Variants in SHANK2 observed in about 807,000 individuals in gnomAD.
SHANK2 encodes the protein SH3 and multiple ankyrin repeat domains protein 2.
SHANK2 carries 43 observed loss-of-function variants against 133.7 expected under a neutral mutation model. That is an observed-to-expected ratio of 0.32 (90% CI 0.25 to 0.41). The LOEUF is 0.41. Among genes scored for constraint, SHANK2 ranks in the 10% least tolerant of loss-of-function variants. SHANK2 has a pLI of 1.00. For missense variants in SHANK2, 1,994 were observed against 2,235.8 expected, an observed-to-expected ratio of 0.89 and a Z score of 2.18; for synonymous variants, 1,017 against 952.8, an observed-to-expected ratio of 1.07 and a Z score of -1.24.
intron 21 of SHANK2, among the ~76,000 whole-genome samples, chr11:70,499,250 G>T (rs1555157809): frequency 6.6e-6 from 1 of 152,268 alleles, no homozygotes; most frequent in East Asian, 1.9e-4. Context: ...ACCAGGCTGG[G>T]CCACGGCTGC....
chr11:70,878,335 A>G (rs1949603028), intron 11 of SHANK2, among the ~76,000 whole-genome samples: 1 of 152,206 alleles, frequency 6.6e-6, no homozygotes, highest in African/African-American at 2.4e-5. Context: ...ACACTGGGCC[A>G]CACCTCTCAA....
chr11:70,544,621 C>A (rs564322407), intron 17 of SHANK2, among the ~76,000 whole-genome samples: 6 of 152,222 alleles, frequency 3.9e-5, no homozygotes, highest in Non-Finnish European at 7.3e-5. Flanking sequence ...CCCAACACCC[C>A]CTCCCTGGCC....
Position 71,117,131 on chromosome 11 carries a change from T to C in SHANK2, c.411+1698A>G, listed in dbSNP as rs189275292. Among the ~76,000 whole-genome samples, 303 of 152,310 alleles carry C rather than the reference T, an allele frequency of 2.0e-3. 1 individual carries two copies. Among genetic ancestry groups the C allele is most frequent in the African/African-American group, 7.0e-3 (292 of 41,572 alleles). On this transcript the variant is annotated intron_variant, in intron 4 of 25. Transcript: ENST00000601538. ...ACCTCCAGGGTTCAAGCAATTCTCC[T>C]GCCTCAGCCCCCCGAGTAGCTGGGA...
chr11:71,101,156 G>A (rs569203255), intron 6 of SHANK2, among the ~76,000 whole-genome samples: 5 of 152,244 alleles, frequency 3.3e-5, no homozygotes, highest in African/African-American at 9.6e-5. Context: ...AAGTGCATAG[G>A]GGAAAACTCC....
At chr11:70,769,106 A>C (rs1342625623) in intron 14 of SHANK2, among the ~76,000 whole-genome samples, 1 of 152,140 alleles carries the variant, frequency 6.6e-6, no homozygotes, top group Non-Finnish European at 1.5e-5. Context: ...AGGGCCTGGC[A>C]TCCTACTTGT....
chr11:71,110,966 G>T (rs191588184), intron 5 of SHANK2, among the ~76,000 whole-genome samples: 74 of 152,334 alleles, frequency 4.9e-4, no homozygotes, highest in Non-Finnish European at 9.0e-4. Flanking sequence ...GTCCCAGAGA[G>T]CTCCCTCGCC....
chr11:71,220,894 G>T (rs116427351), intron 2 of SHANK2, among the ~76,000 whole-genome samples: 416 of 152,260 alleles, frequency 2.7e-3, no homozygotes, highest in African/African-American at 9.6e-3. Flanking sequence ...CCACTGAATG[G>T]CACACTTTAA....
chr11:70,585,827 CA>C (rs1554986567), intron 17 of SHANK2, among the ~76,000 whole-genome samples: 1 of 79,602 alleles, frequency 1.3e-5, no homozygotes, highest in Non-Finnish European at 2.7e-5. Flanking sequence ...TCCATTTGCT[CA>C]CCCACCCACC....
chr11:70,556,392 TTTC>T (rs1565126784), intron 17 of SHANK2, among the ~76,000 whole-genome samples: 16 of 14,530 alleles, frequency 1.1e-3, no homozygotes, highest in African/African-American at 1.5e-3. Flanking sequence ...TCTTTCTTTC[TTTC>T]TCTCTCTCTC....
At chr11:70,599,403 C>A (rs574003717) in intron 17 of SHANK2, among the ~76,000 whole-genome samples, 1 of 147,392 alleles carries the variant, frequency 6.8e-6, no homozygotes. Context: ...GTCAGGAGAT[C>A]GAGACCATCC....
Position 70,487,637 on chromosome 11 carries a change from C to T in SHANK2, c.2656G>A (p.Asp886Asn), listed in dbSNP as rs2058830595. 3 of 1,602,900 alleles carry T rather than the reference C, an allele frequency of 1.9e-6. No homozygotes were observed. Among genetic ancestry groups the T allele is most frequent in the African/African-American group, 2.7e-5 (2 of 74,806 alleles). ...RSLSMPDTSE[D>N]IPPPPQSVPP... The stretch of plus-strand genomic sequence containing the variant: ...ACAGACTGCGGTGGAGGGGGGATGT[C>T]CTCAGAGGTGTCCGGCATGGACAGG... The change falls in exon 25 of 26, where the codon GAC (aspartate) becomes AAC (asparagine). Residue 886 changes from aspartate (D) to asparagine (N), a missense_variant. By Grantham distance (23) the Asp-to-Asn change is conservative. Around this residue, in one of 5 missense-constraint regions of SHANK2, gnomAD observed 488 missense variants for 642.6 expected, o/e 0.76. Transcript: ENST00000601538. This position sits in a 1 kb window ranked among gnomAD's most constrained non-coding sequence, Gnocchi z 5.8.
intron 14 of SHANK2, among the ~76,000 whole-genome samples, chr11:70,735,703 CAA>C (rs5792532): frequency 0.17 from 18,094 of 106,952 alleles, 1,518 homozygotes; most frequent in South Asian, 0.34. Flanking sequence ...GACTCTGTCT[CAA>C]AAAAAAAAAA....
chr11:70,784,358 T>G (rs1214937245), intron 14 of SHANK2, among the ~76,000 whole-genome samples: 6 of 134,940 alleles, frequency 4.4e-5, no homozygotes, highest in East Asian at 2.1e-4. Context: ...TTTTTTTTTT[T>G]TTTTTTTTTT....
At chr11:70,567,739 C>G (rs1382415177) in intron 17 of SHANK2, among the ~76,000 whole-genome samples, 2 of 152,148 alleles carry the variant, frequency 1.3e-5, no homozygotes, top group Non-Finnish European at 2.9e-5. Flanking sequence ...GAAGGAAGAC[C>G]CAGACCCTGA....
chr11:70,606,101 AG>A (rs2060573497), intron 17 of SHANK2, among the ~76,000 whole-genome samples: 1 of 152,088 alleles, frequency 6.6e-6, no homozygotes, highest in Non-Finnish European at 1.5e-5. Flanking sequence ...TGTGCATGGC[AG>A]GGGGGCAGCT....
intron 2 of SHANK2, among the ~76,000 whole-genome samples, chr11:71,192,138 G>T (rs1346993199): frequency 6.6e-6 from 1 of 152,214 alleles, no homozygotes; most frequent in African/African-American, 2.4e-5. Flanking sequence ...TGGGATTACA[G>T]GCGTGAGCCA....
At chr11:70,911,004 C>A in intron 10 of SHANK2, 1 of 457,124 alleles carries the variant, frequency 2.2e-6, no homozygotes, top group Non-Finnish European at 4.4e-6. Flanking sequence ...AACACCTCAG[C>A]ATTTGCAGAA....
intron 10 of SHANK2, among the ~76,000 whole-genome samples, chr11:70,951,453 T>C (rs1211328969): frequency 7.4e-6 from 1 of 135,076 alleles, no homozygotes; most frequent in Non-Finnish European, 1.5e-5. Flanking sequence ...TGTGGTGATG[T>C]CATAAATTCA....
chr11:71,147,605 A>G (rs1212340457), intron 2 of SHANK2, among the ~76,000 whole-genome samples: 2 of 152,234 alleles, frequency 1.3e-5, no homozygotes, highest in Admixed American at 1.3e-4. Context: ...CTCTGGTACC[A>G]GCGCTGTGAA....
Sources: allele counts gnomAD v4.1 joint callset (sites outside exome capture counted in the v4.1 genomes callset), GRCh38; gene constraint gnomAD v4.1.1; regional missense constraint gnomAD v4.1.1; non-coding constraint Gnocchi (gnomAD v3.1); transcripts MANE v1.5; gene names NCBI Gene and HGNC (gene_info 2026-07-23, HGNC 2026-07-21).